Variants in SGCZ observed in about 807,000 individuals in gnomAD.
SGCZ encodes the protein sarcoglycan zeta.
In SGCZ, 40 loss-of-function variants were observed where a neutral mutation model predicts 41.3. That is an observed-to-expected ratio of 0.97 (90% CI 0.75 to 1.26). The LOEUF (loss-of-function observed/expected upper bound fraction) is 1.26, where lower values mean the gene tolerates loss of function less well. SGCZ is among the 50% of genes most tolerant of loss of function. The probability of loss-of-function intolerance (pLI) is 0.00; values close to 1 mark genes in which losing one functional copy is unlikely to be tolerated. For synonymous variants in SGCZ, 206 were observed against 137.5 expected, an observed-to-expected ratio of 1.50 and a Z score of -3.49; for missense variants, 552 against 369.8, an observed-to-expected ratio of 1.49 and a Z score of -4.04.
chr8:14,485,877 C>A (rs1321272684), intron 2 of SGCZ, among the ~76,000 whole-genome samples: 2 of 124,092 alleles, frequency 1.6e-5, no homozygotes, highest in Admixed American at 1.1e-4. Flanking sequence ...CTCTGTCGCC[C>A]AGGCCGGACT....
intron 1 of SGCZ, among the ~76,000 whole-genome samples, chr8:14,926,544 C>A (rs1044450240): frequency 6.6e-6 from 1 of 152,112 alleles, no homozygotes; most frequent in Non-Finnish European, 1.5e-5. Context: ...ATTTCACCAT[C>A]CTGATTTCTT....
rs75055494 is a variant in SGCZ at position 15,113,189 on chromosome 8, A to G, written c.39+124396T>C. Among the ~76,000 whole-genome samples, 480 of 147,336 alleles carry G rather than the reference A, an allele frequency of 3.3e-3. 1 individual carries two copies. The highest frequency in any genetic ancestry group is 5.2e-3 in the Non-Finnish European group (349 of 67,074). ...ACGCCACTGCACTCTAGCCTGGGCA[A>G]GAGAGCGAGACCTGGCTCAAAAAAA... On this transcript the variant is annotated intron_variant, in intron 1 of 7. Coordinates refer to ENST00000382080, the MANE Select transcript of SGCZ (RefSeq NM_139167.4).
chr8:14,173,732 A>G (rs374797093), intron 4 of SGCZ, among the ~76,000 whole-genome samples: 1 of 149,120 alleles, frequency 6.7e-6, no homozygotes, highest in Non-Finnish European at 1.5e-5. Context: ...GATAAAATAA[A>G]CAAAAGATAG....
intron 1 of SGCZ, among the ~76,000 whole-genome samples, chr8:15,108,929 T>C (rs1160109083): frequency 4.6e-5 from 7 of 152,076 alleles, no homozygotes; most frequent in Non-Finnish European, 8.8e-5. Context: ...AGTGAAAGAA[T>C]CATAAATGAT....
intron 1 of SGCZ, among the ~76,000 whole-genome samples, chr8:15,159,147 T>C (rs1038302145): frequency 6.6e-6 from 1 of 152,114 alleles, no homozygotes; most frequent in Non-Finnish European, 1.5e-5. Flanking sequence ...TAATCAGTCA[T>C]GCCTAGGTAA....
intron 1 of SGCZ, among the ~76,000 whole-genome samples, chr8:14,805,546 T>C (rs554182169): frequency 7.3e-6 from 1 of 136,608 alleles, no homozygotes; most frequent in African/African-American, 2.5e-5. Context: ...TAAATATATA[T>C]GCACCCAATA....
At chr8:14,520,443 T>C (rs1188945722) in intron 2 of SGCZ, among the ~76,000 whole-genome samples, 1 of 152,142 alleles carries the variant, frequency 6.6e-6, no homozygotes, top group Non-Finnish European at 1.5e-5. Context: ...GGACAGAGTG[T>C]AAGAAACCAA....
chr8:14,469,148 T>C (rs1035542818), intron 2 of SGCZ, among the ~76,000 whole-genome samples: 36 of 152,098 alleles, frequency 2.4e-4, no homozygotes, highest in African/African-American at 8.7e-4. Context: ...AATGGTGCCC[T>C]ATCATTTCTA....
chr8:15,105,269 G>C (rs187165632), intron 1 of SGCZ, among the ~76,000 whole-genome samples: 2 of 151,854 alleles, frequency 1.3e-5, no homozygotes, highest in Non-Finnish European at 2.9e-5. Context: ...CTGTATTTTC[G>C]ACCTTGTCCA....
chr8:14,472,635 G>T (rs1001721426), intron 2 of SGCZ, among the ~76,000 whole-genome samples: 1 of 152,002 alleles, frequency 6.6e-6, no homozygotes, highest in African/African-American at 2.4e-5. Context: ...ATATTGCAAG[G>T]ATCCTCTTCC....
chr8:14,641,770 G>C lies in SGCZ; in HGVS notation c.40-86844C>G, dbSNP rs549690547. ...TTATAAACCCACTTTCTAGCGTATG[G>C]GCTAGTAAAACTGTAGAGTTTCTTT... is the stretch of plus-strand genomic sequence containing the variant. On this transcript the variant is annotated intron_variant, in intron 1 of 7. Transcript: ENST00000382080. Among the ~76,000 whole-genome samples the C allele has an allele frequency of 3.3e-5, 5 of 151,582 alleles. No individual in the cohort carries two copies. In the South Asian group the frequency reaches 1.0e-3, roughly 32 times the overall value.
intron 4 of SGCZ, among the ~76,000 whole-genome samples, chr8:14,177,316 C>T (rs1425555516): frequency 6.6e-6 from 1 of 152,180 alleles, no homozygotes; most frequent in Non-Finnish European, 1.5e-5. Flanking sequence ...AGGATTGAAA[C>T]TCCTGCAAAA....
intron 1 of SGCZ, among the ~76,000 whole-genome samples, chr8:14,705,330 T>C (rs1433813774): frequency 2.0e-5 from 3 of 151,996 alleles, no homozygotes; most frequent in African/African-American, 7.2e-5. Context: ...CACTTTGAAG[T>C]TTGACAGTCA....
At chr8:14,412,998 T>C (rs1209920588) in intron 2 of SGCZ, among the ~76,000 whole-genome samples, 2 of 152,006 alleles carry the variant, frequency 1.3e-5, no homozygotes, top group Non-Finnish European at 2.9e-5. Context: ...AAACTTTTGT[T>C]ATAAAGGACA....
At chr8:14,239,726 C>A (rs1798792311) in intron 3 of SGCZ, among the ~76,000 whole-genome samples, 1 of 150,686 alleles carries the variant, frequency 6.6e-6, no homozygotes, top group Admixed American at 6.6e-5. Context: ...AACGGTGAAA[C>A]CCCGTCTCTA....
At chr8:14,898,056 T>C (rs1477721515) in intron 1 of SGCZ, among the ~76,000 whole-genome samples, 2 of 152,090 alleles carry the variant, frequency 1.3e-5, no homozygotes, top group African/African-American at 2.4e-5. Context: ...ATGTTTATAC[T>C]GGGCCATCCA....
chr8:14,990,248 G>A (rs1801962637), intron 1 of SGCZ, among the ~76,000 whole-genome samples: 1 of 152,162 alleles, frequency 6.6e-6, no homozygotes, highest in Non-Finnish European at 1.5e-5. Flanking sequence ...GTGATTTAGA[G>A]TAAGAGGCAA....
intron 1 of SGCZ, among the ~76,000 whole-genome samples, chr8:14,687,169 A>ATATATATAT (rs1315442922): frequency 2.4e-5 from 3 of 127,052 alleles, no homozygotes; most frequent in Non-Finnish European, 3.6e-5. Flanking sequence ...AAAGAAAAAA[A>ATATATATAT]AAATATATAT....
chr8:14,300,802 T>C (rs1035355940), intron 3 of SGCZ, among the ~76,000 whole-genome samples: 4 of 152,010 alleles, frequency 2.6e-5, no homozygotes, highest in African/African-American at 9.7e-5. Context: ...GTCCTTTGCC[T>C]ATTTTCTAAT....
Sources: allele counts gnomAD v4.1 joint callset (sites outside exome capture counted in the v4.1 genomes callset), GRCh38; gene constraint gnomAD v4.1.1; transcripts MANE v1.5; gene names NCBI Gene and HGNC (gene_info 2026-07-23, HGNC 2026-07-21).